KCNQ1: variants seen among roughly 807,000 people sequenced by gnomAD.
KCNQ1 encodes potassium voltage-gated channel subfamily Q member 1.
KCNQ1 carries 49 observed loss-of-function variants against 72.4 expected under a neutral mutation model. The ratio of observed to expected loss-of-function variants is 0.68; its 90% CI spans 0.54 to 0.86. The LOEUF (loss-of-function observed/expected upper bound fraction) is 0.86. Ranked by LOEUF, KCNQ1 falls within the 40% of genes least tolerant of loss-of-function variation. The pLI is 0.00. For missense variants in KCNQ1, 790 were observed against 945.1 expected, an observed-to-expected ratio of 0.84 and a Z score of 2.15; for synonymous variants, 450 against 412.6, an observed-to-expected ratio of 1.09 and a Z score of -1.10.
At position 2,704,014 on chromosome 11, in the gene KCNQ1, G is replaced by C. The variant is rs1208136140; in HGVS notation, c.1514+41933G>C. Among the ~76,000 whole-genome samples, 1 of 152,250 alleles carries C rather than the reference G, an allele frequency of 6.6e-6. No homozygotes were observed. The highest frequency in any genetic ancestry group is 6.5e-5 in the Admixed American group (1 of 15,292). ...GTTAGGACCTCAGGGTTATCCCTGA[G>C]TGGCTGATGCATTGCCAGGAAGCCT... On this transcript the variant is annotated intron_variant, in intron 11 of 15. Transcript: ENST00000155840. This position sits in a 1 kb window ranked among gnomAD's most constrained non-coding sequence, Gnocchi z 4.3.
chr11:2,562,466 C>T lies in KCNQ1; in HGVS notation c.478-8162C>T, dbSNP rs1038717458. ...CCGGTGTGGAGTTGGAACAGCTGGC[C>T]CCAAAGCCCGCCAGCCGGGCTCTAT... On this transcript the variant is annotated intron_variant, in intron 2 of 15. Transcript: ENST00000155840. This position sits in a 1 kb window ranked among gnomAD's most constrained non-coding sequence, Gnocchi z 7.5. 2.0e-5 allele frequency among the ~76,000 whole-genome samples: 3 copies of T among 152,178 alleles called. No homozygotes were observed. The highest frequency in any genetic ancestry group is 7.2e-5 in the African/African-American group (3 of 41,436).
At chr11:2,789,470 G>A (rs1280782951) in intron 15 of KCNQ1, among the ~76,000 whole-genome samples, 2 of 152,210 alleles carry the variant, frequency 1.3e-5, no homozygotes, top group Non-Finnish European at 2.9e-5. Context: ...CGACGCCGCA[G>A]CCCCAGTGCC....
At chr11:2,633,684 T>C (rs1404244794) in intron 10 of KCNQ1, 2 of 398,478 alleles carry the variant, frequency 5.0e-6, no homozygotes, top group Non-Finnish European at 8.8e-6. Context: ...TAAATAAATT[T>C]ATTTACTTCT....
rs1236254419 is a variant in KCNQ1, at chr11:2,473,669, G to A, written c.386+28185G>A. ...TGGGCCTCAGTTGGCCTGGCCTGGCGCGGGGCTGCCAGCCAAGAGCCTTCC... is the reference window on the plus strand; with the variant it reads ...TGGGCCTCAGTTGGCCTGGCCTGGCACGGGGCTGCCAGCCAAGAGCCTTCC... On this transcript the variant is annotated intron_variant, in intron 1 of 15. Coordinates refer to ENST00000155840, the MANE Select transcript of KCNQ1 (RefSeq NM_000218.3). This position sits in a 1 kb window ranked among gnomAD's most constrained non-coding sequence, Gnocchi z 6.0. Among the ~76,000 whole-genome samples the A allele has an allele frequency of 3.3e-5, 5 of 152,210 alleles. No individual in the cohort carries two copies. Among genetic ancestry groups the A allele is most frequent in the East Asian group, 1.9e-4 (1 of 5,190 alleles).
chr11:2,502,357 A>C (rs1847030556), intron 1 of KCNQ1, among the ~76,000 whole-genome samples: 1 of 152,246 alleles, frequency 6.6e-6, no homozygotes. Context: ...CAGGATACAA[A>C]GTCAACATAC....
chr11:2,646,549 A>G (rs12280663), intron 10 of KCNQ1: 8 of 398,532 alleles, frequency 2.0e-5, no homozygotes, highest in Non-Finnish European at 3.1e-5. Flanking sequence ...GAGTGCAGAC[A>G]GGGTCTCACT....
In KCNQ1 at chr11:2,536,061, C is replaced by T. The variant is rs914812508; in HGVS notation, c.477+8043C>T. Among the ~76,000 whole-genome samples the T allele has an allele frequency of 6.6e-6, 1 of 152,186 alleles. No homozygotes were observed. Among genetic ancestry groups the T allele is most frequent in the Non-Finnish European group, 1.5e-5 (1 of 68,022 alleles). On this transcript the variant is annotated intron_variant, in intron 2 of 15. Transcript: ENST00000155840. This position sits in a 1 kb window ranked among gnomAD's most constrained non-coding sequence, Gnocchi z 7.4. ...CAGCCTCACTGGCCACATGCTCTGC[C>T]GAGCACACCCGCTGCTGTCCCCAGC...
rs1846833933 is a variant in KCNQ1 at position 2,782,131 on chromosome 11, G to T, written c.1794+4094G>T. ...ACAAGCTGGACCCCAAGGCTTTTTT[G>T]TCTTGGGCAGTTCCCCGAGCTGCAC... On this transcript the variant is annotated intron_variant, in intron 15 of 15. Transcript: ENST00000155840. This position sits in a 1 kb window ranked among gnomAD's most constrained non-coding sequence, Gnocchi z 6.1. Among the ~76,000 whole-genome samples the T allele has an allele frequency of 6.6e-6, 1 of 152,054 alleles. No individual in the cohort carries two copies. The highest frequency in any genetic ancestry group is 2.4e-5 in the African/African-American group (1 of 41,390).
At chr11:2,636,391 T>C (rs925260867) in intron 10 of KCNQ1, 8 of 152,226 alleles carry the variant, frequency 5.3e-5, no homozygotes, top group African/African-American at 1.9e-4. Flanking sequence ...GTTTTTAGCA[T>C]GAAGGGCTGT....
chr11:2,746,773 T>C lies in KCNQ1; in HGVS notation c.1515-22071T>C, dbSNP rs187366072. On this transcript the variant is annotated intron_variant, in intron 11 of 15. Transcript: ENST00000155840. The surrounding 1 kb of genome is among the most constrained non-coding windows in gnomAD (Gnocchi z 5.9). ...TCTCTTCAACTGTGATTTGTTCTTT[T>C]CCCCCTTTGCAGACTGTCCTTGGAC... Among the ~76,000 whole-genome samples the C allele has an allele frequency of 8.1e-3, 1,235 of 152,306 alleles. 17 individuals are homozygous for C. The highest frequency in any genetic ancestry group is 0.025 in the African/African-American group (1,045 of 41,556).
At chr11:2,694,316 T>C (rs955598834) in intron 11 of KCNQ1, 3 of 398,546 alleles carry the variant, frequency 7.5e-6, no homozygotes, top group Non-Finnish European at 8.8e-6. Flanking sequence ...AAGGAAGTGG[T>C]TGTCATCTGC....
At position 2,600,144 on chromosome 11, in the gene KCNQ1, C is replaced by A. The variant is rs2133775396; in HGVS notation, c.1393+11290C>A. On this transcript the variant is annotated intron_variant, in intron 10 of 15. Coordinates refer to ENST00000155840, the MANE Select transcript of KCNQ1 (RefSeq NM_000218.3). The surrounding 1 kb of genome is among the most constrained non-coding windows in gnomAD (Gnocchi z 5.6). ...TATTGAAATCTAGTGCCGGATAATT[C>A]TTTGTTGAGGGAGGAAGTCCTGTCT... 6.6e-6 allele frequency among the ~76,000 whole-genome samples: 1 copy of A among 152,196 alleles called. No homozygotes were observed. The highest frequency in any genetic ancestry group is 1.9e-4 in the East Asian group (1 of 5,182).
At chr11:2,560,656 C>T (rs1189607786) in intron 2 of KCNQ1, among the ~76,000 whole-genome samples, 1 of 152,076 alleles carries the variant, frequency 6.6e-6, no homozygotes, top group Non-Finnish European at 1.5e-5. Context: ...TTCCACACCC[C>T]AAGTACAGCA....
chr11:2,702,120 C>T (rs1850825674), intron 11 of KCNQ1, among the ~76,000 whole-genome samples: 1 of 152,202 alleles, frequency 6.6e-6, no homozygotes, highest in African/African-American at 2.4e-5. Flanking sequence ...ATCACCCTCC[C>T]TGCATGTCCA....
intron 13 of KCNQ1, 49 bp from the exon 14 acceptor site, chr11:2,776,937 C>A (rs3852523): frequency 6.4e-7 from 1 of 1,567,318 alleles, no homozygotes; most frequent in Non-Finnish European, 8.8e-7. Flanking sequence ...AGTGCATCTG[C>A]GCAGTGCCAG....
rs534902011 is a variant in KCNQ1 at position 2,599,813 on chromosome 11, C to T, written c.1393+10959C>T. Among the ~76,000 whole-genome samples, 17 of 152,278 alleles carry T rather than the reference C, an allele frequency of 1.1e-4. No homozygotes were observed. The South Asian group carries it at 3.3e-3, about 30-fold the overall frequency. On this transcript the variant is annotated intron_variant, in intron 10 of 15. Coordinates refer to ENST00000155840, the MANE Select transcript of KCNQ1 (RefSeq NM_000218.3). The surrounding 1 kb of genome is among the most constrained non-coding windows in gnomAD (Gnocchi z 4.7). ...GGCACCAGTCACACTGGATTAGGGC[C>T]CACCCTAACAGCCTCATTGTAGCTT...
chr11:2,594,618 TTTTCTATGCAG>T (rs1317402410), intron 10 of KCNQ1, among the ~76,000 whole-genome samples: 1 of 152,232 alleles, frequency 6.6e-6, no homozygotes, highest in East Asian at 1.9e-4. Context: ...ATTCACAGAA[TTTTCTATGCAG>T]TTTCTAACTC....
intron 2 of KCNQ1, among the ~76,000 whole-genome samples, chr11:2,552,852 G>A (rs976586506): frequency 9.2e-5 from 14 of 152,078 alleles, no homozygotes; most frequent in African/African-American, 3.4e-4. Flanking sequence ...GCACGTCTTA[G>A]TAATACCGAG....
intron 15 of KCNQ1, among the ~76,000 whole-genome samples, chr11:2,788,017 TCCC>T (rs1410960458): frequency 6.6e-6 from 1 of 152,018 alleles, no homozygotes; most frequent in Admixed American, 6.6e-5. Context: ...TGAGTGTGGC[TCCC>T]CCAACGTTTA....
Sources: allele counts gnomAD v4.1 joint callset (sites outside exome capture counted in the v4.1 genomes callset), GRCh38; gene constraint gnomAD v4.1.1; non-coding constraint Gnocchi (gnomAD v3.1); transcripts MANE v1.5; gene names NCBI Gene and HGNC (gene_info 2026-07-23, HGNC 2026-07-21).